Variants in KCNH1 observed in about 807,000 individuals in gnomAD.
KCNH1 encodes voltage-gated delayed rectifier potassium channel KCNH1.
In KCNH1, 27 loss-of-function variants were observed where a neutral mutation model predicts 69.2. The observed-to-expected ratio is 0.39, with a 90% CI of 0.29 to 0.54. KCNH1 has a LOEUF of 0.54. Among genes scored for constraint, KCNH1 ranks in the 20% least tolerant of loss-of-function variants. The pLI, the probability that KCNH1 is intolerant of heterozygous loss-of-function variation, is 0.68. For synonymous variants in KCNH1, 456 were observed against 487.7 expected, an observed-to-expected ratio of 0.93 and a Z score of 0.86; for missense variants, 798 against 1,261.6, an observed-to-expected ratio of 0.63 and a Z score of 5.57.
intron 5 of KCNH1, among the ~76,000 whole-genome samples, chr1:211,040,190 C>CAAAAAAAA (rs35260257): frequency 9.2e-6 from 1 of 108,646 alleles, no homozygotes; most frequent in South Asian, 3.3e-4. Flanking sequence ...GACTCCGTCT[C>CAAAAAAAA]AAAAAAAAAA....
At chr1:210,700,156 C>A (rs1471255548) in intron 10 of KCNH1, among the ~76,000 whole-genome samples, 1 of 152,296 alleles carries the variant, frequency 6.6e-6, no homozygotes, top group Non-Finnish European at 1.5e-5. Flanking sequence ...CAAAAGACAT[C>A]TCTTTATATG....
intron 1 of KCNH1, among the ~76,000 whole-genome samples, chr1:211,119,685 T>C (rs138416267): frequency 1.3e-5 from 2 of 152,342 alleles, no homozygotes; most frequent in African/African-American, 4.8e-5. Context: ...TGTGGCTCTA[T>C]TGTGATTTTC....
intron 7 of KCNH1, among the ~76,000 whole-genome samples, chr1:210,904,808 C>T (rs1687069316): frequency 6.6e-6 from 1 of 152,222 alleles, no homozygotes; most frequent in Non-Finnish European, 1.5e-5. Context: ...TATATCTAAG[C>T]CTGTCAATCA....
At chr1:210,958,662 T>A (rs1004463601) in intron 6 of KCNH1, among the ~76,000 whole-genome samples, 1 of 152,372 alleles carries the variant, frequency 6.6e-6, no homozygotes, top group East Asian at 1.9e-4. Flanking sequence ...ATTAATTTGA[T>A]CTTCAATCAC....
chr1:211,068,659 G>T (rs1328080098), intron 5 of KCNH1, among the ~76,000 whole-genome samples: 2 of 152,212 alleles, frequency 1.3e-5, no homozygotes, highest in Admixed American at 6.5e-5. Flanking sequence ...ATCCCAAAGT[G>T]CTGGGATTAC....
intron 5 of KCNH1, among the ~76,000 whole-genome samples, chr1:211,024,545 T>C (rs950318099): frequency 8.6e-5 from 13 of 151,926 alleles, no homozygotes; most frequent in African/African-American, 3.1e-4. Context: ...TATTGGGAGG[T>C]GTTAGATTTT....
At chr1:210,998,076 T>C (rs946443446) in intron 6 of KCNH1, among the ~76,000 whole-genome samples, 58 of 152,222 alleles carry the variant, frequency 3.8e-4, no homozygotes, top group Middle Eastern at 3.4e-3. Context: ...TTGTAAAGAC[T>C]GTCAAGGCTA....
intron 1 of KCNH1, among the ~76,000 whole-genome samples, chr1:211,113,670 T>C (rs1691511985): frequency 6.6e-6 from 1 of 152,128 alleles, no homozygotes; most frequent in Non-Finnish European, 1.5e-5. Context: ...CACAGGAAAC[T>C]TGGCCATGTT....
intron 6 of KCNH1, among the ~76,000 whole-genome samples, chr1:210,934,553 C>A (rs1454244011): frequency 6.6e-6 from 1 of 152,002 alleles, no homozygotes; most frequent in South Asian, 2.1e-4. Context: ...GCAGAAGAAT[C>A]GCTTGAAACC....
intron 5 of KCNH1, among the ~76,000 whole-genome samples, chr1:211,064,405 C>CA (rs1179141004): frequency 6.6e-6 from 1 of 151,898 alleles, no homozygotes; most frequent in Non-Finnish European, 1.5e-5. Flanking sequence ...CTAAAAAATA[C>CA]AAAAAAATTG....
intron 6 of KCNH1, among the ~76,000 whole-genome samples, chr1:211,009,499 C>T (rs1241986879): frequency 1.3e-5 from 2 of 152,112 alleles, no homozygotes; most frequent in Admixed American, 6.5e-5. Context: ...GAAATGAATT[C>T]AGCACAGAAC....
rs1687413570 is a variant in KCNH1 at position 210,919,382 on chromosome 1, C to A, written c.1462+258G>T. The A allele has an allele frequency of 2.3e-6, 1 of 427,740 alleles. No individual in the cohort carries two copies. Among genetic ancestry groups the A allele is most frequent in the Admixed American group, 3.8e-5 (1 of 26,434 alleles). The allele number at this position is 427,740 out of a possible 1,614,324, so 26.5% of individuals were successfully genotyped here. A position where few individuals can be genotyped will look rare whatever the true frequency, so the allele number is the denominator to read the frequency against. On this transcript the variant is annotated intron_variant, in intron 7 of 10. Coordinates refer to ENST00000271751, the MANE Select transcript of KCNH1 (RefSeq NM_172362.3). This position sits in a 1 kb window ranked among gnomAD's most constrained non-coding sequence, Gnocchi z 4.2. ...AATAGTCTGTAAGAGAAGACACCAA[C>A]AGTATTAGTAGTTATCTCTGAAAAG...
At chr1:210,864,280 G>A (rs1258484614) in intron 7 of KCNH1, among the ~76,000 whole-genome samples, 2 of 152,170 alleles carry the variant, frequency 1.3e-5, no homozygotes, top group African/African-American at 2.4e-5. Context: ...CAATGCCACG[G>A]CAGTGAGGAT....
At chr1:210,926,195 G>A (rs1473490964) in intron 6 of KCNH1, among the ~76,000 whole-genome samples, 1 of 152,132 alleles carries the variant, frequency 6.6e-6, no homozygotes, top group African/African-American at 2.4e-5. Context: ...AGGAGGTGGA[G>A]GTTGCAGTGA....
At chr1:210,874,030 C>G (rs1338450693) in intron 7 of KCNH1, among the ~76,000 whole-genome samples, 1 of 152,126 alleles carries the variant, frequency 6.6e-6, no homozygotes, top group Non-Finnish European at 1.5e-5. Flanking sequence ...GCGCACGTGA[C>G]ATAATTCTGG....
chr1:211,046,655 A>G (rs573036926), intron 5 of KCNH1, among the ~76,000 whole-genome samples: 1 of 152,312 alleles, frequency 6.6e-6, no homozygotes, highest in East Asian at 1.9e-4. Flanking sequence ...GCCAAGTTTA[A>G]CTCCAGGGTC....
chr1:210,852,658 C>T (rs1458250447), intron 7 of KCNH1, among the ~76,000 whole-genome samples: 4 of 152,080 alleles, frequency 2.6e-5, no homozygotes, highest in Admixed American at 1.3e-4. Context: ...CAAGGATGCA[C>T]TATTTAAATA....
intron 4 of KCNH1, among the ~76,000 whole-genome samples, chr1:211,088,479 G>C (rs17188846): frequency 0.21 from 31,780 of 152,094 alleles, 3,442 homozygotes; most frequent in Middle Eastern, 0.23. Flanking sequence ...GAATTATCAT[G>C]TGCTTCCATC....
intron 10 of KCNH1, among the ~76,000 whole-genome samples, chr1:210,684,461 GT>G (rs1681364049): frequency 6.6e-6 from 1 of 152,200 alleles, no homozygotes; most frequent in Non-Finnish European, 1.5e-5. Flanking sequence ...CCAGGGGACT[GT>G]CCTAGCCTCT....
Sources: gnomAD v4.1 joint callset for allele counts (sites outside exome capture counted in the v4.1 genomes callset) on GRCh38, gnomAD v4.1.1 for gene constraint, Gnocchi (gnomAD v3.1) non-coding constraint, MANE v1.5 for transcripts, NCBI Gene and HGNC (gene_info 2026-07-23, HGNC 2026-07-21) for gene names.